Variants in SQLE observed in about 807,000 individuals in gnomAD.
SQLE encodes the protein squalene monooxygenase.
SQLE carries 29 observed loss-of-function variants against 60.7 expected under a neutral mutation model. That is an observed-to-expected ratio of 0.48 (90% confidence interval 0.36 to 0.65). The LOEUF is 0.65. Among genes scored for constraint, SQLE ranks in the 30% least tolerant of loss-of-function variants. The pLI is 0.00. For missense variants in SQLE, 605 were observed against 684.1 expected (o/e 0.88, Z 1.29); for synonymous variants, 237 against 246.8 (o/e 0.96, Z 0.37).
In SQLE at chr8:125,005,444, G is replaced by T. The variant is rs1488112803; in HGVS notation, c.545-81G>T. On this transcript the variant is annotated intron_variant, in intron 2 of 10. Coordinates refer to ENST00000265896, the MANE Select transcript of SQLE (RefSeq NM_003129.4). ...TTGAAGGCAGAGACTCATTTTTGAT[G>T]TGTGTGTGTCTTCTTTGGTTCTTAG... 4.1e-6 allele frequency: 5 copies of T among 1,221,880 alleles called. No individual in the cohort carries two copies. In the Admixed American group the frequency reaches 1.3e-4, roughly 33 times the overall value. 75.7% of individuals were successfully genotyped at this position (1,221,880 alleles called of 1,614,324 possible). A position where few individuals can be genotyped will look rare whatever the true frequency, so the allele number is the denominator to read the frequency against.
intron 3 of SQLE, 112 bp from the exon 4 acceptor site, chr8:125,007,279 G>A (rs1467447150): frequency 9.7e-6 from 6 of 620,970 alleles, no homozygotes; most frequent in Non-Finnish European, 1.5e-5. Flanking sequence ...ACACGTGTTT[G>A]CACACACATG....
chr8:125,001,675 T>TA (rs545285734), intron 1 of SQLE, among the ~76,000 whole-genome samples: 168 of 138,882 alleles, frequency 1.2e-3, no homozygotes, highest in Middle Eastern at 3.6e-3. Context: ...TGAGAGAAAT[T>TA]AAAAAAAAAA....
At position 125,001,560 on chromosome 8, in the gene SQLE, C is replaced by G. The variant is rs573884773; in HGVS notation, c.292-1616C>G. Among the ~76,000 whole-genome samples the G allele has an allele frequency of 1.1e-3, 165 of 150,930 alleles. 1 individual carries two copies. The highest frequency in any genetic ancestry group is 3.9e-3 in the African/African-American group (158 of 40,960). ...ATGACAAAAGGGGCTTGTCTTGCCC[C>G]CTACAGTAATTTAAATATAGTCAGT... On this transcript the variant is annotated intron_variant, in intron 1 of 10. Transcript: ENST00000265896.
At position 125,018,646 on chromosome 8, in the gene SQLE, T is replaced by A. The variant is rs1815149252; in HGVS notation, c.1363T>A (p.Tyr455Asn). The change falls in exon 9 of 11, where the codon TAC (tyrosine) becomes AAC (asparagine). Residue 455 changes from tyrosine (Y) to asparagine (N), a missense_variant. Transcript: ENST00000265896. Reference sequence around the variant, plus strand: ...TCTTTTTTAGGCCAAAAAATCATTTTACTGGGCAAGAAAAACATCTCATTC... The same window carrying A: ...TCTTTTTTAGGCCAAAAAATCATTTAACTGGGCAAGAAAAACATCTCATTC... ...AAIFEAKKSF[Y>N]WARKTSHSFV... is the part of the protein sequence containing the mutation. 3 of 1,600,220 alleles carry A rather than the reference T, an allele frequency of 1.9e-6. No individual in the cohort carries two copies. In the East Asian group the frequency reaches 6.7e-5, roughly 36 times the overall value.
chr8:125,007,572 C>A, intron 4 of SQLE, 85 bp downstream of exon 4: 1 of 826,362 alleles, frequency 1.2e-6, no homozygotes. Flanking sequence ...GTAGGCTTAC[C>A]GGTTTACATG....
rs561222090 is a variant in SQLE, at chr8:125,012,218, C to A, written c.1204+586C>A. Reference sequence around the variant, plus strand: ...GACAGACCATTAACATTTAATCTTACAGACAATGGAAAGTCATTTGAAGTG... The same window carrying A: ...GACAGACCATTAACATTTAATCTTAAAGACAATGGAAAGTCATTTGAAGTG... On this transcript the variant is annotated intron_variant, in intron 7 of 10. Coordinates refer to ENST00000265896, the MANE Select transcript of SQLE (RefSeq NM_003129.4). Among the ~76,000 whole-genome samples, 3 of 152,280 alleles carry A rather than the reference C, an allele frequency of 2.0e-5. No individual in the cohort carries two copies. The South Asian group carries it at 6.2e-4, about 32-fold the overall frequency.
rs118130263 is a variant in SQLE, at chr8:125,009,172, A to T, written c.937A>T (p.Asn313Tyr). ...SSHFVGFLMKNAPQFKANHAE... is the reference protein window; with the variant it reads ...SSHFVGFLMKYAPQFKANHAE... ...AACATTTTCTTTTTATTTGTTTTAG[A>T]ATGCACCACAGTTTAAAGCAAATCA... Residue 313 changes from asparagine to tyrosine, a missense_variant and splice_region_variant, in exon 6 of 11, where the codon AAT becomes TAT. Coordinates refer to ENST00000265896, the MANE Select transcript of SQLE (RefSeq NM_003129.4). 25,164 of 1,589,308 alleles carry T rather than the reference A, an allele frequency of 0.016. 276 individuals carry two copies. The highest frequency in any genetic ancestry group is 0.018 in the Non-Finnish European group (20,889 of 1,170,958).
intron 1 of SQLE, among the ~76,000 whole-genome samples, chr8:125,001,825 G>C (rs1255715990): frequency 1.3e-5 from 2 of 151,978 alleles, no homozygotes; most frequent in African/African-American, 4.8e-5. Context: ...CCTTCAAATG[G>C]CATTTAGTCT....
intron 7 of SQLE, 53 bp from the exon 8 acceptor site, chr8:125,018,001 TTTTTG>T (rs1815136777): frequency 7.7e-6 from 12 of 1,556,050 alleles, no homozygotes; most frequent in Non-Finnish European, 1.0e-5. Context: ...TGAGTTATCC[TTTTTG>T]TTTTGTCTCA....
Position 125,021,771 on chromosome 8 carries a change from A to G in SQLE, c.1551A>G (p.Leu517=). ...GLLSVLSPNP[L]VLIGHFFAVA... ...ATTACAGATTGTCTCCTAACCCTCT[A>G]GTTTTAATTGGACACTTCTTTGCTG... Residue 517 remains leucine, a synonymous_variant, in exon 11 of 11, where the codon CTA becomes CTG. Coordinates refer to ENST00000265896, the MANE Select transcript of SQLE (RefSeq NM_003129.4). 1 of 1,603,948 alleles carries G rather than the reference A, an allele frequency of 6.2e-7. No homozygotes were observed.
rs545908782 is a variant in SQLE, at chr8:125,006,908, T to A, written c.726-483T>A. Among the ~76,000 whole-genome samples the A allele has an allele frequency of 1.3e-3, 193 of 152,140 alleles. 2 individuals carry two copies. The highest frequency in any genetic ancestry group is 4.4e-3 in the African/African-American group (181 of 41,554). ...TTAGTAGAGACGGGGTTTCACCATG[T>A]TGGCCAGGATGGCCTTGATCTCCTG... is the stretch of plus-strand genomic sequence containing the variant. On this transcript the variant is annotated intron_variant, in intron 3 of 10. Coordinates refer to ENST00000265896, the MANE Select transcript of SQLE (RefSeq NM_003129.4).
intron 7 of SQLE, among the ~76,000 whole-genome samples, chr8:125,013,445 C>T (rs1398061738): frequency 2.0e-5 from 3 of 150,562 alleles, no homozygotes; most frequent in Non-Finnish European, 2.9e-5. Context: ...CTCGGCCTCC[C>T]AGGTTCAAGC....
At chr8:125,004,708 T>C (rs1369619564) in intron 2 of SQLE, among the ~76,000 whole-genome samples, 1 of 152,070 alleles carries the variant, frequency 6.6e-6, no homozygotes, top group Non-Finnish European at 1.5e-5. Flanking sequence ...AATTTTATTA[T>C]ATATACATGT....
chr8:125,009,263 G>A lies in SQLE; in HGVS notation c.1028G>A (p.Arg343Gln). The change falls in exon 6 of 11, where the codon CGA becomes CAA. Residue 343 changes from arginine to glutamine, a missense_variant. Physicochemically the swap from Arg to Gln is conservative, Grantham distance 43. Transcript: ENST00000265896. ...TACCAGATTTCATCCAGTGAAACTC[G>A]AGTACTTGTTGACATTAGAGGAGAA... ...LIYQISSSET[R>Q]VLVDIRGEMP... 1.2e-6 allele frequency: 2 copies of A among 1,613,814 alleles called. No homozygotes were observed. The highest frequency in any genetic ancestry group is 1.1e-5 in the South Asian group (1 of 91,060).
At chr8:125,019,212 A>G (rs9297707) in intron 9 of SQLE, 2 of 157,858 alleles carry the variant, frequency 1.3e-5, no homozygotes, top group African/African-American at 2.4e-5. Flanking sequence ...TGCTTTTGTT[A>G]CTGTTTCCAT....
chr8:124,999,610 T>G lies in SQLE; in HGVS notation c.207T>G (p.Ile69Met). 1 of 1,613,544 alleles carries G rather than the reference T, an allele frequency of 6.2e-7. No individual in the cohort carries two copies. Among genetic ancestry groups the G allele is most frequent in the East Asian group, 2.2e-5 (1 of 44,844 alleles). ...SGSQFALFSD[I>M]LSGLPFIGFF... ...CCCAGTTCGCCCTCTTCTCGGATATTCTCTCAGGCCTGCCTTTCATTGGCT... is the reference window on the plus strand; with the variant it reads ...CCCAGTTCGCCCTCTTCTCGGATATGCTCTCAGGCCTGCCTTTCATTGGCT... Residue 69 changes from isoleucine to methionine, a missense_variant, in exon 1 of 11, where the codon ATT (isoleucine) becomes ATG (methionine). Coordinates refer to ENST00000265896, the MANE Select transcript of SQLE (RefSeq NM_003129.4).
chr8:125,001,583 A>G (rs1814853964), intron 1 of SQLE, among the ~76,000 whole-genome samples: 1 of 151,822 alleles, frequency 6.6e-6, no homozygotes, highest in African/African-American at 2.4e-5. Flanking sequence ...AAATATAGTC[A>G]GTTCTGGCCA....
intron 1 of SQLE, among the ~76,000 whole-genome samples, chr8:125,001,042 G>T (rs1438144019): frequency 6.6e-6 from 1 of 152,148 alleles, no homozygotes; most frequent in East Asian, 1.9e-4. Context: ...TAGCCTAGGG[G>T]TAATATACAT....
Position 125,011,684 on chromosome 8 carries a change from A to G in SQLE, c.1204+52A>G, listed in dbSNP as rs954783644. 3 of 1,404,608 alleles carry G rather than the reference A, an allele frequency of 2.1e-6. No homozygotes were observed. The African/African-American group carries it at 4.3e-5, about 20-fold the overall frequency. 87.0% of individuals were successfully genotyped at this position (1,404,608 alleles called of 1,614,324 possible). ...AAGGAATCAGTATTCCAAATGACAA[A>G]TATATGATTAAATTTATACTGTTAC... On this transcript the variant is annotated intron_variant, in intron 7 of 10. Transcript: ENST00000265896.
Sources: gnomAD v4.1 joint callset for allele counts (sites outside exome capture counted in the v4.1 genomes callset) on GRCh38, gnomAD v4.1.1 for gene constraint, MANE v1.5 for transcripts, NCBI Gene and HGNC (gene_info 2026-07-23, HGNC 2026-07-21) for gene names.